XRCC5: variants seen among roughly 807,000 people sequenced by gnomAD.
XRCC5 encodes DNA repair protein Ku80.
XRCC5 carries 12 observed loss-of-function variants against 95.7 expected under a neutral mutation model. The ratio of observed to expected loss-of-function variants is 0.13; its 90% confidence interval spans 0.08 to 0.20. XRCC5 has a LOEUF of 0.20. Among genes scored for constraint, XRCC5 ranks in the 10% least tolerant of loss-of-function variants. The pLI is 1.00. For missense variants in XRCC5, 595 were observed against 873.9 expected (o/e 0.68, Z 4.02); for synonymous variants, 281 against 290.3 (o/e 0.97, Z 0.33).
intron 10 of XRCC5, among the ~76,000 whole-genome samples, chr2:216,133,980 C>T (rs1490480834): frequency 3.9e-5 from 6 of 152,138 alleles, no homozygotes; most frequent in East Asian, 1.9e-4. Context: ...AACTCTGCTT[C>T]GTATCAGAGG....
intron 4 of XRCC5, among the ~76,000 whole-genome samples, chr2:216,118,233 G>A (rs958430404): frequency 4.0e-5 from 6 of 151,176 alleles, no homozygotes; most frequent in African/African-American, 1.5e-4. Flanking sequence ...GTGCAGTGGT[G>A]CCAATATAGC....
rs186254986 is a variant in XRCC5 at position 216,160,255 on chromosome 2, T to G, written c.1764+94T>G. 1,630 of 767,218 alleles carry G rather than the reference T, an allele frequency of 2.1e-3. 6 individuals are homozygous for G. The highest frequency in any genetic ancestry group is 0.011 in the African/African-American group (603 of 55,704). 47.5% of individuals were successfully genotyped at this position (767,218 alleles called of 1,614,324 possible). On this transcript the variant is annotated intron_variant, in intron 15 of 20. Transcript: ENST00000392132. ...ATTTTTGTTAGTCCGTTCTTACCAC[T>G]TTCAAGTTAAGATCATGATCACTTT...
intron 13 of XRCC5, among the ~76,000 whole-genome samples, chr2:216,141,627 G>T (rs1697174277): frequency 7.0e-6 from 1 of 143,236 alleles, no homozygotes; most frequent in Non-Finnish European, 1.5e-5. Context: ...ATGCTGGAGT[G>T]CAGTGTTGTG....
intron 14 of XRCC5, among the ~76,000 whole-genome samples, chr2:216,149,396 A>G (rs1455930590): frequency 6.6e-6 from 1 of 152,136 alleles, no homozygotes; most frequent in Non-Finnish European, 1.5e-5. Flanking sequence ...GATAGATTTT[A>G]TGATGTGCAT....
chr2:216,131,882 C>T (rs903461234), intron 9 of XRCC5, among the ~76,000 whole-genome samples: 2 of 152,188 alleles, frequency 1.3e-5, no homozygotes, highest in African/African-American at 4.8e-5. Flanking sequence ...GTTTTCTCTG[C>T]CTGGAACGCT....
intron 8 of XRCC5, among the ~76,000 whole-genome samples, chr2:216,129,653 A>G (rs961048583): frequency 6.6e-6 from 1 of 152,158 alleles, no homozygotes; most frequent in African/African-American, 2.4e-5. Flanking sequence ...TAGCTTTTTA[A>G]AAAAGACATA....
chr2:216,160,446 G>A (rs967744041), intron 15 of XRCC5, among the ~76,000 whole-genome samples: 5 of 152,058 alleles, frequency 3.3e-5, no homozygotes, highest in Non-Finnish European at 5.9e-5. Flanking sequence ...GCATTATTTT[G>A]CAGCTTTTCA....
intron 14 of XRCC5, among the ~76,000 whole-genome samples, chr2:216,155,150 C>A (rs1688817721): frequency 7.0e-6 from 1 of 142,696 alleles, no homozygotes. Context: ...CATTTGAGCC[C>A]AGGGTTCAAG....
chr2:216,144,202 G>A (rs1219077976), intron 13 of XRCC5, among the ~76,000 whole-genome samples: 1 of 152,224 alleles, frequency 6.6e-6, no homozygotes, highest in Non-Finnish European at 1.5e-5. Context: ...AACAAAGGCG[G>A]TGCATGTGGT....
chr2:216,187,821 A>ACACACACACACACTCTCT (rs1312215177), intron 16 of XRCC5, among the ~76,000 whole-genome samples: 2 of 47,948 alleles, frequency 4.2e-5, no homozygotes, highest in African/African-American at 2.0e-4. Context: ...ACACACACAC[A>ACACACACACACACTCTCT]CTCTCTCTCT....
At chr2:216,125,371 A>G (rs1696885032) in intron 6 of XRCC5, among the ~76,000 whole-genome samples, 1 of 151,792 alleles carries the variant, frequency 6.6e-6, no homozygotes, top group Middle Eastern at 3.2e-3. Context: ...CTAATTTTGT[A>G]TTTTTACTAG....
intron 15 of XRCC5, 118 bp from the exon 16 acceptor site, chr2:216,161,859 CTT>C: frequency 1.2e-6 from 1 of 824,728 alleles, no homozygotes; most frequent in Non-Finnish European, 2.0e-6. Context: ...AAGCCCTTCT[CTT>C]TGTCTTTGGT....
chr2:216,190,775 T>C (rs1574432129), intron 17 of XRCC5, among the ~76,000 whole-genome samples: 1 of 152,206 alleles, frequency 6.6e-6, no homozygotes, highest in South Asian at 2.1e-4. Context: ...AAAAGAACAC[T>C]GACAATAAGT....
intron 8 of XRCC5, among the ~76,000 whole-genome samples, chr2:216,129,430 A>C (rs1237515513): frequency 6.6e-6 from 1 of 152,228 alleles, no homozygotes. Flanking sequence ...CAATGTACAA[A>C]AGTTGGAGTT....
chr2:216,121,955 G>T, intron 5 of XRCC5, 107 bp from the exon 6 acceptor site: 131 of 970,172 alleles, frequency 1.4e-4, no homozygotes, highest in Non-Finnish European at 1.6e-4. Flanking sequence ...TTTGACAGAT[G>T]AGAAATTTGA....
intron 3 of XRCC5, chr2:216,117,161 T>G (rs1436400671): frequency 2.4e-5 from 6 of 253,282 alleles, no homozygotes; most frequent in Non-Finnish European, 4.5e-5. Context: ...TGGTGCTCGT[T>G]AGAAATGTTT....
intron 13 of XRCC5, among the ~76,000 whole-genome samples, chr2:216,145,690 C>T (rs6435935): frequency 0.068 from 10,280 of 152,090 alleles, 1,130 homozygotes; most frequent in African/African-American, 0.23. Flanking sequence ...AGGTTGGTAC[C>T]TCAGAACATC....
At chr2:216,127,449 CT>C in intron 7 of XRCC5, 86 bp from the exon 8 acceptor site, 1 of 1,405,724 alleles carries the variant, frequency 7.1e-7, no homozygotes, top group Non-Finnish European at 9.4e-7. Flanking sequence ...GGATTTTTGT[CT>C]GTGCCAGAGA....
At chr2:216,166,935 A>G (rs906526805) in intron 16 of XRCC5, among the ~76,000 whole-genome samples, 15 of 152,202 alleles carry the variant, frequency 9.9e-5, no homozygotes, top group African/African-American at 3.6e-4. Context: ...GATGGAATGT[A>G]ACTTAACTTT....
Sources: gnomAD v4.1 joint callset for allele counts (sites outside exome capture counted in the v4.1 genomes callset) on GRCh38, gnomAD v4.1.1 for gene constraint, MANE v1.5 for transcripts, NCBI Gene and HGNC (gene_info 2026-07-23, HGNC 2026-07-21) for gene names.